Variants in GABRA5 observed in about 807,000 individuals in gnomAD.
The protein encoded by GABRA5 is gamma-aminobutyric acid type A receptor subunit alpha5.
GABRA5 carries 18 observed loss-of-function variants against 47.3 expected under a neutral mutation model. The observed-to-expected ratio is 0.38, with a 90% CI of 0.26 to 0.56. The LOEUF (loss-of-function observed/expected upper bound fraction) is 0.56, where lower values mean the gene tolerates loss of function less well. Among genes scored for constraint, GABRA5 ranks in the 20% least tolerant of loss-of-function variants. GABRA5 has a pLI of 0.71. For synonymous variants in GABRA5, 237 were observed against 229.3 expected, an observed-to-expected ratio of 1.03 and a Z score of -0.30; for missense variants, 365 against 599.3, an observed-to-expected ratio of 0.61 and a Z score of 4.08.
chr15:26,935,015 A>C (rs1894203367), intron 7 of GABRA5, among the ~76,000 whole-genome samples: 1 of 151,660 alleles, frequency 6.6e-6, no homozygotes, highest in African/African-American at 2.4e-5. Context: ...ATCATGACAA[A>C]TGGCACTGCA....
intron 6 of GABRA5, among the ~76,000 whole-genome samples, chr15:26,910,337 C>A (rs1893549803): frequency 6.6e-6 from 1 of 152,112 alleles, no homozygotes; most frequent in South Asian, 2.1e-4. Flanking sequence ...TGTGGTGGCT[C>A]ACACCTGTAA....
chr15:26,870,710 GC>G (rs1892446777), intron 3 of GABRA5, among the ~76,000 whole-genome samples: 1 of 152,100 alleles, frequency 6.6e-6, no homozygotes, highest in Non-Finnish European at 1.5e-5. Flanking sequence ...AGCTGCCAAA[GC>G]CTGTAAACTA....
Position 26,948,559 on chromosome 15 carries a change from T to C in GABRA5, c.*326T>C, listed in dbSNP as rs2140611068. 1 of 227,166 alleles carries C rather than the reference T, an allele frequency of 4.4e-6. No individual in the cohort carries two copies. The highest frequency in any genetic ancestry group is 1.2e-4 in the South Asian group (1 of 8,302). 14.1% of individuals were successfully genotyped at this position (227,166 alleles called of 1,614,324 possible). On this transcript the variant is annotated 3_prime_UTR_variant, in exon 11 of 11. Transcript: ENST00000335625. ...TGCTTCAAGTGTTACCTAACAATGT[T>C]TTTTATACTTCAAATGTCATTTCAT... is the stretch of plus-strand genomic sequence containing the variant.
chr15:26,910,355 A>G (rs1009129011), intron 6 of GABRA5, among the ~76,000 whole-genome samples: 1 of 152,146 alleles, frequency 6.6e-6, no homozygotes, highest in African/African-American at 2.4e-5. Context: ...TAATCCCAGC[A>G]CTTTGGGAGG....
At chr15:26,937,427 GAGGC>G in intron 8 of GABRA5, 99 bp downstream of exon 8, 1 of 1,294,714 alleles carries the variant, frequency 7.7e-7, no homozygotes, top group Non-Finnish European at 1.0e-6. Flanking sequence ...GGCCACGTGG[GAGGC>G]CGCACAGCAG....
At chr15:26,940,682 T>G (rs2140589885) in intron 9 of GABRA5, among the ~76,000 whole-genome samples, 1 of 152,332 alleles carries the variant, frequency 6.6e-6, no homozygotes, top group South Asian at 2.1e-4. Context: ...CACTTTAAAA[T>G]TAACCACCAA....
chr15:26,915,803 C>T (rs1353718802), intron 7 of GABRA5, among the ~76,000 whole-genome samples: 1 of 152,130 alleles, frequency 6.6e-6, no homozygotes, highest in South Asian at 2.1e-4. Flanking sequence ...CTGGCTATCC[C>T]ACTCCTCTGC....
chr15:26,948,778 C>G lies in GABRA5; in HGVS notation c.*545C>G, dbSNP rs72712085. On this transcript the variant is annotated 3_prime_UTR_variant, in exon 11 of 11. Coordinates refer to ENST00000335625, the MANE Select transcript of GABRA5 (RefSeq NM_000810.4). ...TAGGAAAGTACTGCATGATCTTACA[C>G]GAAGAAATAGAATAGGCAAACTTTT... is the stretch of plus-strand genomic sequence containing the variant. The G allele has an allele frequency of 6.5e-6, 1 of 152,680 alleles. No homozygotes were observed. The highest frequency in any genetic ancestry group is 1.5e-5 in the Non-Finnish European group (1 of 68,544). The allele number at this position is 152,680 out of a possible 1,614,324, so 9.5% of individuals were successfully genotyped here.
chr15:26,883,593 C>G lies in GABRA5; in HGVS notation c.497+36C>G. The G allele has an allele frequency of 2.8e-6, 4 of 1,423,986 alleles. No homozygotes were observed. Among genetic ancestry groups the G allele is most frequent in the South Asian group, 1.2e-5 (1 of 80,150 alleles). The allele number at this position is 1,423,986 out of a possible 1,614,324, so 88.2% of individuals were successfully genotyped here. On this transcript the variant is annotated intron_variant, in intron 6 of 10. Coordinates refer to ENST00000335625, the MANE Select transcript of GABRA5 (RefSeq NM_000810.4). The surrounding 1 kb of genome is among the most constrained non-coding windows in gnomAD (Gnocchi z 4.8). Reference sequence around the variant, plus strand: ...GGCGGGGGCGGGCGGGGCCGGGGGACGGTGCGGGGCAGGCGCGGCTGCCCA... The same window carrying G: ...GGCGGGGGCGGGCGGGGCCGGGGGAGGGTGCGGGGCAGGCGCGGCTGCCCA...
chr15:26,869,226 T>A lies in GABRA5; in HGVS notation c.-23T>A, dbSNP rs1474932826. Reference sequence around the variant, plus strand: ...GAGTTATTCCTCCATATTCACCTGCTTCAACTACTATTCTTATTGGGAATG... The same window carrying A: ...GAGTTATTCCTCCATATTCACCTGCATCAACTACTATTCTTATTGGGAATG... On this transcript the variant is annotated 5_prime_UTR_variant, in exon 3 of 11. Coordinates refer to ENST00000335625, the MANE Select transcript of GABRA5 (RefSeq NM_000810.4). 1 of 1,416,594 alleles carries A rather than the reference T, an allele frequency of 7.1e-7. No individual in the cohort carries two copies. The highest frequency in any genetic ancestry group is 1.4e-5 in the African/African-American group (1 of 71,056). The allele number at this position is 1,416,594 out of a possible 1,614,324, so 87.8% of individuals were successfully genotyped here.
At chr15:26,890,021 C>T (rs1377504473) in intron 6 of GABRA5, among the ~76,000 whole-genome samples, 1 of 152,164 alleles carries the variant, frequency 6.6e-6, no homozygotes, top group East Asian at 1.9e-4. Flanking sequence ...TTTCCCATGT[C>T]ATTAAACATT....
At chr15:26,877,925 C>T (rs1247458524) in intron 3 of GABRA5, among the ~76,000 whole-genome samples, 3 of 152,176 alleles carry the variant, frequency 2.0e-5, no homozygotes, top group Admixed American at 6.5e-5. Flanking sequence ...ATTTACTTCC[C>T]CAAAGAATGG....
chr15:26,889,971 G>A (rs1243987818), intron 6 of GABRA5, among the ~76,000 whole-genome samples: 1 of 152,092 alleles, frequency 6.6e-6, no homozygotes, highest in Non-Finnish European at 1.5e-5. Flanking sequence ...AAACTTTTGT[G>A]AATAGCTTTA....
intron 6 of GABRA5, among the ~76,000 whole-genome samples, chr15:26,906,983 A>T (rs1401522294): frequency 1.3e-5 from 2 of 152,230 alleles, no homozygotes; most frequent in Non-Finnish European, 2.9e-5. Context: ...AATTGCTGAC[A>T]TCTTCTTTTC....
chr15:26,941,274 A>T (rs536335630), intron 9 of GABRA5, among the ~76,000 whole-genome samples: 4 of 152,252 alleles, frequency 2.6e-5, no homozygotes, highest in African/African-American at 7.2e-5. Flanking sequence ...GCAGAAAAAA[A>T]GCTGGGAGGG....
intron 7 of GABRA5, among the ~76,000 whole-genome samples, chr15:26,935,155 C>T (rs957155234): frequency 6.6e-6 from 1 of 152,156 alleles, no homozygotes; most frequent in South Asian, 2.1e-4. Context: ...TTTATTCCCA[C>T]CCTTAATGTG....
In GABRA5 at chr15:26,943,348, G is replaced by T. The variant is rs1486626794; in HGVS notation, c.1011G>T (p.Glu337Asp). 6.3e-7 allele frequency: 1 copy of T among 1,598,394 alleles called. No homozygotes were observed. The highest frequency in any genetic ancestry group is 8.5e-7 in the Non-Finnish European group (1 of 1,172,514). ...CCTTCGTCTTCTCGGCGCTGATAGAGTTTGCCACGGTCAATTACTTTACCA... is the reference window on the plus strand; with the variant it reads ...CCTTCGTCTTCTCGGCGCTGATAGATTTTGCCACGGTCAATTACTTTACCA... ...CYAFVFSALI[E>D]FATVNYFTKR... The change falls in exon 10 of 11, where the codon GAG becomes GAT. Residue 337 changes from glutamate (E) to aspartate (D), a missense_variant. Around this residue, in one of 3 missense-constraint regions of GABRA5, gnomAD observed 43 missense variants for 133.7 expected, o/e 0.32. Transcript: ENST00000335625.
Position 26,867,554 on chromosome 15 carries a change from A to C in GABRA5, c.-140+443A>C, listed in dbSNP as rs1892349396. 1 of 152,368 alleles carries C rather than the reference A, an allele frequency of 6.6e-6. No individual in the cohort carries two copies. Among genetic ancestry groups the C allele is most frequent in the African/African-American group, 2.4e-5 (1 of 41,316 alleles). The allele number at this position is 152,368 out of a possible 1,614,324, so 9.4% of individuals were successfully genotyped here. On this transcript the variant is annotated intron_variant, in intron 1 of 10. Transcript: ENST00000335625. This position sits in a 1 kb window ranked among gnomAD's most constrained non-coding sequence, Gnocchi z 5.9. ...CAGGCGGGGCGCGCAGCCAGGCCAGAGCGCAAACTTTACCCTGGCGACTGC... is the reference window on the plus strand; with the variant it reads ...CAGGCGGGGCGCGCAGCCAGGCCAGCGCGCAAACTTTACCCTGGCGACTGC...
chr15:26,945,308 G>C (rs1894485312), intron 10 of GABRA5, among the ~76,000 whole-genome samples: 1 of 152,214 alleles, frequency 6.6e-6, no homozygotes, highest in African/African-American at 2.4e-5. Context: ...CAGCCTACTC[G>C]AGTAAACTGT....
Sources: allele counts gnomAD v4.1 joint callset (sites outside exome capture counted in the v4.1 genomes callset), GRCh38; gene constraint gnomAD v4.1.1; regional missense constraint gnomAD v4.1.1; non-coding constraint Gnocchi (gnomAD v3.1); transcripts MANE v1.5; gene names NCBI Gene and HGNC (gene_info 2026-07-23, HGNC 2026-07-21).